Variants in SLC8A3 observed in about 807,000 individuals in gnomAD.
SLC8A3 encodes the protein sodium/calcium exchanger 3.
SLC8A3 carries 37 observed loss-of-function variants against 65.4 expected under a neutral mutation model. The ratio of observed to expected loss-of-function variants is 0.57; its 90% confidence interval spans 0.44 to 0.74. SLC8A3 has a LOEUF of 0.74. Among genes scored for constraint, SLC8A3 ranks in the 30% least tolerant of loss-of-function variants. The pLI is 0.00. For missense variants in SLC8A3, 1,112 were observed against 1,172.1 expected (o/e 0.95, Z 0.75); for synonymous variants, 461 against 444.5 (o/e 1.04, Z -0.47).
At chr14:70,101,322 T>C (rs2140107316) in intron 2 of SLC8A3, among the ~76,000 whole-genome samples, 1 of 152,304 alleles carries the variant, frequency 6.6e-6, no homozygotes, top group Non-Finnish European at 1.5e-5. Flanking sequence ...GGAAATGATG[T>C]TTCAGTTATG....
chr14:70,162,193 T>C (rs17107890), intron 2 of SLC8A3, among the ~76,000 whole-genome samples: 5,425 of 152,298 alleles, frequency 0.036, 322 homozygotes, highest in African/African-American at 0.12. Flanking sequence ...ATATTCTTTT[T>C]GAAGTTAACA....
intron 2 of SLC8A3, among the ~76,000 whole-genome samples, chr14:70,088,067 G>A (rs1295352101): frequency 1.3e-5 from 2 of 152,176 alleles, no homozygotes; most frequent in Admixed American, 1.3e-4. Flanking sequence ...GATGGAGCAG[G>A]TCATTGAGAA....
Position 70,071,898 on chromosome 14 carries a change from G to A in SLC8A3, c.1785-10959C>T, listed in dbSNP as rs115656370. 2.8e-3 allele frequency among the ~76,000 whole-genome samples: 432 copies of A among 152,166 alleles called. 1 individual carries two copies. The highest frequency in any genetic ancestry group is 0.01 in the African/African-American group (424 of 41,516). On this transcript the variant is annotated intron_variant, in intron 2 of 6. Transcript: ENST00000356921. ...ATTTTGTGAACAAAAAGAGTGTTTC[G>A]GGGTGCGTGTGAGAACGTGCACAGA... is the stretch of plus-strand genomic sequence containing the variant.
At chr14:70,062,634 C>T (rs970936172) in intron 2 of SLC8A3, among the ~76,000 whole-genome samples, 3 of 152,232 alleles carry the variant, frequency 2.0e-5, no homozygotes, top group East Asian at 1.9e-4. Flanking sequence ...ACACCTTCCT[C>T]AGAATGTATC....
chr14:70,095,496 G>T (rs1892110634), intron 2 of SLC8A3, among the ~76,000 whole-genome samples: 1 of 152,198 alleles, frequency 6.6e-6, no homozygotes, highest in South Asian at 2.1e-4. Flanking sequence ...TTGTCACTTG[G>T]ACCACAACAG....
intron 2 of SLC8A3, among the ~76,000 whole-genome samples, chr14:70,070,561 T>C (rs1467525818): frequency 1.1e-4 from 16 of 152,206 alleles, no homozygotes; most frequent in Admixed American, 1.0e-3. Flanking sequence ...AAATGCTACT[T>C]ACTCCAAATG....
At position 70,166,742 on chromosome 14, in the gene SLC8A3, T is replaced by C. The variant is rs1355431378; in HGVS notation, c.1681A>G (p.Thr561Ala). The C allele has an allele frequency of 1.9e-6, 3 of 1,613,978 alleles. No individual in the cohort carries two copies. Among genetic ancestry groups the C allele is most frequent in the African/African-American group, 1.3e-5 (1 of 74,924 alleles). The change falls in exon 2 of 7, where the codon ACA becomes GCA. Residue 561 changes from threonine (T) to alanine (A), a missense_variant. Physicochemically the swap from Thr to Ala is moderately conservative, Grantham distance 58. Coordinates refer to ENST00000356921, the MANE Select transcript of SLC8A3 (RefSeq NM_182932.3). ...KVLRTSGARGTVIVPFRTVEG... is the reference protein window; with the variant it reads ...KVLRTSGARGAVIVPFRTVEG... ...ACTGTCCTAAAGGGGACGATGACTG[T>C]ACCCCGGGCACCTGATGTCCGCAGA...
intron 2 of SLC8A3, among the ~76,000 whole-genome samples, chr14:70,074,831 A>T (rs1479284738): frequency 1.3e-5 from 2 of 152,176 alleles, no homozygotes; most frequent in Admixed American, 1.3e-4. Flanking sequence ...GTTAATAAAG[A>T]CAGGTTCCTA....
At chr14:70,139,558 T>G (rs1397846781) in intron 2 of SLC8A3, among the ~76,000 whole-genome samples, 1 of 152,100 alleles carries the variant, frequency 6.6e-6, no homozygotes, top group Non-Finnish European at 1.5e-5. Context: ...AACAGTAGCG[T>G]AAGGTATCTG....
At chr14:70,093,089 T>C (rs1363979428) in intron 2 of SLC8A3, among the ~76,000 whole-genome samples, 2 of 152,230 alleles carry the variant, frequency 1.3e-5, no homozygotes, top group Admixed American at 1.3e-4. Flanking sequence ...ATGTGACAGA[T>C]GGACAAGGCT....
chr14:70,179,255 A>G (rs1377643218), intron 1 of SLC8A3, among the ~76,000 whole-genome samples: 1 of 151,824 alleles, frequency 6.6e-6, no homozygotes, highest in Non-Finnish European at 1.5e-5. Context: ...ACTCTCTTGT[A>G]ACATCACTTT....
chr14:70,060,567 G>A (rs1288952736), intron 3 of SLC8A3: 1 of 579,632 alleles, frequency 1.7e-6, no homozygotes, highest in African/African-American at 1.8e-5. Context: ...GAGGAGTTGA[G>A]GCTGCAGTGC....
At chr14:70,050,226 C>G (rs1887327431) in intron 5 of SLC8A3, among the ~76,000 whole-genome samples, 1 of 152,120 alleles carries the variant, frequency 6.6e-6, no homozygotes, top group African/African-American at 2.4e-5. Context: ...CTAGAAAGAT[C>G]TAAAGCAGGT....
At chr14:70,077,004 G>T (rs1566761363) in intron 2 of SLC8A3, among the ~76,000 whole-genome samples, 2 of 152,128 alleles carry the variant, frequency 1.3e-5, no homozygotes, top group African/African-American at 2.4e-5. Context: ...ACCTAACAGG[G>T]TTTTTGAGAG....
chr14:70,138,136 T>G (rs1273882526), intron 2 of SLC8A3, among the ~76,000 whole-genome samples: 2 of 152,090 alleles, frequency 1.3e-5, no homozygotes, highest in African/African-American at 4.8e-5. Flanking sequence ...CTTGAGTGGG[T>G]GGGTGGCTGG....
Position 70,048,758 on chromosome 14 carries a change from C to T in SLC8A3, c.2389+9G>A, listed in dbSNP as rs562291026. 13 of 1,612,424 alleles carry T rather than the reference C, an allele frequency of 8.1e-6. No homozygotes were observed. Among genetic ancestry groups the T allele is most frequent in the African/African-American group, 1.3e-5 (1 of 74,908 alleles). On this transcript the variant is annotated intron_variant, in intron 6 of 6. Transcript: ENST00000356921. Reference sequence around the variant, plus strand: ...CCTCTTTGCAAATTCAAGCACCTCTCACTCTCACCTGGGACAGAGGTGCCA... The same window carrying T: ...CCTCTTTGCAAATTCAAGCACCTCTTACTCTCACCTGGGACAGAGGTGCCA...
chr14:70,164,706 G>A (rs1897071698), intron 2 of SLC8A3, among the ~76,000 whole-genome samples: 2 of 152,160 alleles, frequency 1.3e-5, no homozygotes, highest in African/African-American at 4.8e-5. Flanking sequence ...GGTAGAAAGG[G>A]TTCTGAATCA....
intron 2 of SLC8A3, among the ~76,000 whole-genome samples, chr14:70,166,052 T>C (rs1055700415): frequency 6.6e-6 from 1 of 152,212 alleles, no homozygotes; most frequent in Non-Finnish European, 1.5e-5. Context: ...TCTATGGTCA[T>C]TTAAAAAGAT....
intron 2 of SLC8A3, among the ~76,000 whole-genome samples, chr14:70,159,269 C>A (rs544763337): frequency 6.6e-6 from 1 of 152,182 alleles, no homozygotes; most frequent in East Asian, 1.9e-4. Context: ...ATTAGCCAGG[C>A]ATGGTAGCAT....
Sources: allele counts gnomAD v4.1 joint callset (sites outside exome capture counted in the v4.1 genomes callset), GRCh38; gene constraint gnomAD v4.1.1; transcripts MANE v1.5; gene names NCBI Gene and HGNC (gene_info 2026-07-23, HGNC 2026-07-21).